The following MAPK10 variants were observed in gnomAD, a reference collection of about 807,000 sequenced individuals.
MAPK10 encodes mitogen-activated protein kinase 10.
Under a neutral mutation model 59.3 loss-of-function variants are expected in MAPK10, and 25 were observed. The observed-to-expected ratio is 0.42, with a 90% CI of 0.31 to 0.59. The LOEUF (loss-of-function observed/expected upper bound fraction) is 0.59, where lower values mean the gene tolerates loss of function less well. Among genes scored for constraint, MAPK10 ranks in the 20% least tolerant of loss-of-function variants. The pLI is 0.15. For missense variants in MAPK10, 351 were observed against 568.9 expected, an observed-to-expected ratio of 0.62 and a Z score of 3.90; for synonymous variants, 190 against 200.5, an observed-to-expected ratio of 0.95 and a Z score of 0.44.
intron 1 of MAPK10, among the ~76,000 whole-genome samples, chr4:86,557,749 CATA>C (rs1481178298): frequency 6.6e-6 from 1 of 151,910 alleles, no homozygotes; most frequent in Non-Finnish European, 1.5e-5. Flanking sequence ...TTTCTGTTTT[CATA>C]TTAGTCAGTT....
At chr4:86,076,050 C>T (rs563491629) in intron 9 of MAPK10, among the ~76,000 whole-genome samples, 58 of 152,134 alleles carry the variant, frequency 3.8e-4, no homozygotes, top group African/African-American at 1.3e-3. Flanking sequence ...AGCGAGATTC[C>T]GTGGGCGTAG....
In MAPK10 at chr4:86,014,682, T is replaced by C. The variant is rs574596313; in HGVS notation, c.*2546A>G. 6.6e-6 allele frequency: 1 copy of C among 152,268 alleles called. No homozygotes were observed. The highest frequency in any genetic ancestry group is 1.9e-4 in the East Asian group (1 of 5,176). 9.4% of individuals were successfully genotyped at this position (152,268 alleles called of 1,614,324 possible). Reference sequence around the variant, plus strand: ...CAGAAGATGTAAGACTAATTGAGCTTTGGGAAGGTACTAACAGCGGGGGAG... The same window carrying C: ...CAGAAGATGTAAGACTAATTGAGCTCTGGGAAGGTACTAACAGCGGGGGAG... On this transcript the variant is annotated 3_prime_UTR_variant, in exon 14 of 14. Coordinates refer to ENST00000641462, the MANE Select transcript of MAPK10 (RefSeq NM_138982.4).
At chr4:86,514,439 T>C (rs1207826552) in intron 1 of MAPK10, among the ~76,000 whole-genome samples, 1 of 152,194 alleles carries the variant, frequency 6.6e-6, no homozygotes, top group Non-Finnish European at 1.5e-5. Flanking sequence ...AATATATACA[T>C]AGTTTACTAT....
chr4:86,481,328 T>A (rs935011370), intron 1 of MAPK10, among the ~76,000 whole-genome samples: 9 of 152,010 alleles, frequency 5.9e-5, no homozygotes, highest in African/African-American at 1.9e-4. Flanking sequence ...CTCCTTGAGT[T>A]TAAGGCACCA....
rs537733600 is a variant in MAPK10 at position 86,503,766 on chromosome 4, G to A, written c.-263+90144C>T. Among the ~76,000 whole-genome samples the A allele has an allele frequency of 2.0e-5, 3 of 152,022 alleles. No homozygotes were observed. In the East Asian group the frequency reaches 5.8e-4, roughly 29 times the overall value. ...TGGCTTTTTAAAAAATCTCATTTGG[G>A]GTAAAATTCAAAGTGCTTATAATGG... On this transcript the variant is annotated intron_variant, in intron 1 of 4. Coordinates refer to the MAPK10 transcript ENST00000502302.
intron 11 of MAPK10, among the ~76,000 whole-genome samples, chr4:86,057,904 G>C (rs2044936180): frequency 6.7e-6 from 1 of 149,796 alleles, no homozygotes; most frequent in Admixed American, 6.6e-5. Flanking sequence ...CAACCTAAAA[G>C]AAAACAGATG....
chr4:86,061,340 G>A (rs1031626843), intron 11 of MAPK10, among the ~76,000 whole-genome samples: 2 of 152,088 alleles, frequency 1.3e-5, no homozygotes, highest in African/African-American at 4.8e-5. Flanking sequence ...CATTATACAC[G>A]ATTTGTGTGT....
intron 3 of MAPK10, among the ~76,000 whole-genome samples, chr4:86,188,122 G>T (rs1012482721): frequency 1.3e-5 from 2 of 151,976 alleles, no homozygotes; most frequent in Middle Eastern, 3.2e-3. Flanking sequence ...TGTGTATGTG[G>T]CATATTTTCT....
chr4:86,543,771 A>C (rs904843640), intron 1 of MAPK10, among the ~76,000 whole-genome samples: 1 of 152,200 alleles, frequency 6.6e-6, no homozygotes, highest in African/African-American at 2.4e-5. Flanking sequence ...GTCCAAAAAA[A>C]ACAGGAACGG....
chr4:86,400,788 C>A (rs1662235128), intron 1 of MAPK10, among the ~76,000 whole-genome samples: 1 of 152,022 alleles, frequency 6.6e-6, no homozygotes, highest in Non-Finnish European at 1.5e-5. Context: ...TCAATGACAT[C>A]CTAACGGCAA....
chr4:86,562,756 G>A (rs1760776443), intron 1 of MAPK10, among the ~76,000 whole-genome samples: 1 of 152,084 alleles, frequency 6.6e-6, no homozygotes, highest in African/African-American at 2.4e-5. Flanking sequence ...CATACTGTAA[G>A]TTAAACTATG....
intron 11 of MAPK10, among the ~76,000 whole-genome samples, chr4:86,036,015 T>G (rs1372764891): frequency 1.3e-5 from 2 of 152,064 alleles, no homozygotes; most frequent in African/African-American, 4.8e-5. Context: ...CAGAGGAAGG[T>G]AAGTTCACTA....
At chr4:86,367,798 G>C (rs1011101158) in intron 1 of MAPK10, among the ~76,000 whole-genome samples, 6 of 151,762 alleles carry the variant, frequency 4.0e-5, no homozygotes, top group East Asian at 1.9e-4. Flanking sequence ...ATTGTTTCTT[G>C]ACCTTGCTGC....
chr4:86,102,578 T>C (rs986593817), intron 6 of MAPK10: 1 of 153,604 alleles, frequency 6.5e-6, no homozygotes, highest in Admixed American at 6.5e-5. Flanking sequence ...TGGAGTGCAG[T>C]GGTACGATCT....
At chr4:86,565,768 T>C (rs554228584) in intron 1 of MAPK10, among the ~76,000 whole-genome samples, 1 of 151,610 alleles carries the variant, frequency 6.6e-6, no homozygotes, top group South Asian at 2.1e-4. Flanking sequence ...TGACAGCTTA[T>C]CATTTTTTTG....
chr4:86,228,135 T>C lies in MAPK10; in HGVS notation c.-6-33728A>G, dbSNP rs563151414. Among the ~76,000 whole-genome samples the C allele has an allele frequency of 5.9e-5, 9 of 152,274 alleles. No individual in the cohort carries two copies. The East Asian group carries it at 1.5e-3, about 26-fold the overall frequency. On this transcript the variant is annotated intron_variant, in intron 2 of 13. Transcript: ENST00000641462. ...AATAATTTTGCAGGACTCTGGGCTA[T>C]AGGAACTGTCCCTAGTTGTCTGATA...
At chr4:86,191,629 T>C (rs2079892512) in intron 3 of MAPK10, 2 of 138,280 alleles carry the variant, frequency 1.4e-5, no homozygotes, top group African/African-American at 2.6e-5. Context: ...CTCCATCCCA[T>C]TATTTTGAGC....
In MAPK10 at chr4:86,385,427, ACT is replaced by A. The variant is rs549311128; in HGVS notation, c.-121-30785_-121-30784del. Among the ~76,000 whole-genome samples, 945 of 152,144 alleles carry A rather than the reference ACT, an allele frequency of 6.2e-3. 6 individuals are homozygous for A. Among genetic ancestry groups the A allele is most frequent in the African/African-American group, 0.02 (845 of 41,518 alleles). The stretch of plus-strand genomic sequence containing the variant: ...TTACATGTAGTGAAATTTCAAAAAC[ACT>A]CTGTGGTTGACTTTAACAGTGTTCT... On this transcript the variant is annotated intron_variant, in intron 1 of 13. Coordinates refer to the MAPK10 transcript ENST00000361569.
rs1561723978 is a variant in MAPK10 at position 86,103,105 on chromosome 4, G to GTGTGTA, written c.425+80_425+81insTACACA. ...TGTGTGTGTGTGTGTGTGTGTGTGTGTGTGTGTGTGTGGTGTGTGATTTTC... is the reference window on the plus strand; with the variant it reads ...TGTGTGTGTGTGTGTGTGTGTGTGTGTGTGTATGTGTGTGTGTGGTGTGTGATTTTC... On this transcript the variant is annotated intron_variant, in intron 6 of 13. Coordinates refer to ENST00000641462, the MANE Select transcript of MAPK10 (RefSeq NM_138982.4). 427 of 793,638 alleles carry GTGTGTA rather than the reference G, an allele frequency of 5.4e-4. 1 individual carries two copies. The highest frequency in any genetic ancestry group is 7.9e-4 in the Admixed American group (45 of 57,168). 49.2% of individuals were successfully genotyped at this position (793,638 alleles called of 1,614,324 possible).
Sources: gnomAD v4.1 joint callset for allele counts (sites outside exome capture counted in the v4.1 genomes callset) on GRCh38, gnomAD v4.1.1 for gene constraint, MANE v1.5 for transcripts, NCBI Gene and HGNC (gene_info 2026-07-23, HGNC 2026-07-21) for gene names.